Variants in TENM4 observed in about 807,000 individuals in gnomAD.
TENM4 encodes the protein teneurin-4.
TENM4 carries 82 observed loss-of-function variants against 243.3 expected under a neutral mutation model. The ratio of observed to expected loss-of-function variants is 0.34; its 90% CI spans 0.28 to 0.40. TENM4 has a LOEUF of 0.40. Among genes scored for constraint, TENM4 ranks in the 10% least tolerant of loss-of-function variants. The probability of loss-of-function intolerance (pLI) is 1.00; values close to 1 mark genes in which losing one functional copy is unlikely to be tolerated. For missense variants in TENM4, 3,138 were observed against 3,673.3 expected, an observed-to-expected ratio of 0.85 and a Z score of 3.77; for synonymous variants, 1,412 against 1,456.3, an observed-to-expected ratio of 0.97 and a Z score of 0.69.
At chr11:79,220,495 G>A (rs1032267868) in intron 2 of TENM4, among the ~76,000 whole-genome samples, 2 of 152,076 alleles carry the variant, frequency 1.3e-5, no homozygotes, top group African/African-American at 4.8e-5. Flanking sequence ...ATGGACTAGA[G>A]AGAATAAGTA....
At chr11:79,308,907 T>C (rs925568797) in intron 1 of TENM4, among the ~76,000 whole-genome samples, 1 of 152,212 alleles carries the variant, frequency 6.6e-6, no homozygotes, top group Non-Finnish European at 1.5e-5. Flanking sequence ...GAAAGGGCCT[T>C]GTTACCTGGA....
Position 79,061,320 on chromosome 11 carries a change from G to A in TENM4, c.493+3418C>T, listed in dbSNP as rs59533736. ...CCTTTGGGCACCTATGGGGAGTCTA[G>A]GTTTAGGGAGTCCAGTCTTGGAAGG... On this transcript the variant is annotated intron_variant, in intron 6 of 33. Coordinates refer to ENST00000278550, the MANE Select transcript of TENM4 (RefSeq NM_001098816.3). 8.1e-3 allele frequency among the ~76,000 whole-genome samples: 1,237 copies of A among 152,322 alleles called. 26 individuals are homozygous for A. Among genetic ancestry groups the A allele is most frequent in the African/African-American group, 0.028 (1,175 of 41,558 alleles).
intron 1 of TENM4, among the ~76,000 whole-genome samples, chr11:79,355,532 C>CCAAA (rs948173119): frequency 2.6e-4 from 26 of 101,100 alleles, no homozygotes; most frequent in African/African-American, 8.6e-4. Context: ...GACTCCATCT[C>CCAAA]CAAACAAACA....
intron 4 of TENM4, among the ~76,000 whole-genome samples, chr11:79,082,594 T>C (rs1591268386): frequency 1.3e-5 from 2 of 152,200 alleles, no homozygotes; most frequent in South Asian, 2.1e-4. Context: ...CACCCATGTG[T>C]GCACACACAC....
chr11:78,899,560 G>GGT (rs1491278857), intron 7 of TENM4, among the ~76,000 whole-genome samples: 5 of 80,808 alleles, frequency 6.2e-5, no homozygotes, highest in East Asian at 6.6e-4. Flanking sequence ...CTCAAAAAGC[G>GGT]GGGGGGGGGG....
At chr11:79,355,192 C>T (rs1002840120) in intron 1 of TENM4, among the ~76,000 whole-genome samples, 1 of 152,212 alleles carries the variant, frequency 6.6e-6, no homozygotes, top group Non-Finnish European at 1.5e-5. Flanking sequence ...CCTTCATTTG[C>T]ATGAACAGAC....
chr11:78,984,062 C>T (rs556233163), intron 6 of TENM4, among the ~76,000 whole-genome samples: 9 of 152,254 alleles, frequency 5.9e-5, no homozygotes, highest in Non-Finnish European at 1.2e-4. Flanking sequence ...CGGACTCTGG[C>T]TTTCTCTGGG....
At chr11:79,163,985 T>C (rs1862826726) in intron 3 of TENM4, among the ~76,000 whole-genome samples, 1 of 125,002 alleles carries the variant, frequency 8.0e-6, no homozygotes, top group South Asian at 2.4e-4. Context: ...AGTGTATATA[T>C]AGTGTATATA....
chr11:78,943,344 A>G (rs1303288371), intron 6 of TENM4, among the ~76,000 whole-genome samples: 1 of 152,114 alleles, frequency 6.6e-6, no homozygotes, highest in Admixed American at 6.5e-5. Flanking sequence ...GAGACAGAAG[A>G]AAAAAAGGAC....
intron 1 of TENM4, among the ~76,000 whole-genome samples, chr11:79,409,719 T>C (rs528336584): frequency 6.6e-6 from 1 of 152,262 alleles, no homozygotes; most frequent in Admixed American, 6.5e-5. Context: ...ACTCCATAAA[T>C]GCTTCCTAAC....
chr11:78,793,475 G>T (rs1394418418), intron 15 of TENM4, among the ~76,000 whole-genome samples: 3 of 152,152 alleles, frequency 2.0e-5, no homozygotes, highest in Non-Finnish European at 4.4e-5. Flanking sequence ...TTCCAAGAGT[G>T]ACCTTAAGAA....
chr11:79,370,685 A>G (rs539151586), intron 1 of TENM4, among the ~76,000 whole-genome samples: 1 of 151,394 alleles, frequency 6.6e-6, no homozygotes, highest in South Asian at 2.1e-4. Context: ...AACAACATAG[A>G]AGAATATCTT....
chr11:78,907,298 G>A (rs1005788938), intron 6 of TENM4, among the ~76,000 whole-genome samples: 1 of 150,498 alleles, frequency 6.6e-6, no homozygotes, highest in Non-Finnish European at 1.5e-5. Flanking sequence ...GAGGTGAGAG[G>A]CTACAGAGGA....
At chr11:79,328,894 C>T (rs1857017627) in intron 1 of TENM4, among the ~76,000 whole-genome samples, 2 of 152,102 alleles carry the variant, frequency 1.3e-5, no homozygotes, top group South Asian at 4.2e-4. Flanking sequence ...ACCCAGCATT[C>T]CAGAGCTGAT....
intron 1 of TENM4, among the ~76,000 whole-genome samples, chr11:79,430,200 A>AG (rs1859137713): frequency 1.6e-5 from 2 of 128,064 alleles, no homozygotes; most frequent in African/African-American, 6.3e-5. Context: ...AAAAAAAAAA[A>AG]AGAAAAAAGA....
intron 4 of TENM4, among the ~76,000 whole-genome samples, chr11:79,100,345 G>T (rs116582162): frequency 2.0e-5 from 3 of 151,814 alleles, no homozygotes; most frequent in African/African-American, 7.3e-5. Context: ...AGCCTCTTCC[G>T]TGCCCAGTGG....
At chr11:78,728,448 C>A (rs1855574176) in intron 22 of TENM4, among the ~76,000 whole-genome samples, 1 of 151,894 alleles carries the variant, frequency 6.6e-6, no homozygotes, top group Non-Finnish European at 1.5e-5. Flanking sequence ...TTCCTTCCCA[C>A]CTCTCTCCTC....
chr11:78,914,074 A>G (rs1856259721), intron 6 of TENM4, among the ~76,000 whole-genome samples: 1 of 152,214 alleles, frequency 6.6e-6, no homozygotes, highest in African/African-American at 2.4e-5. Flanking sequence ...CTAGGAAATA[A>G]AACACCCAAT....
Position 79,162,533 on chromosome 11 carries a change from TTG to T in TENM4, c.-162-13729_-162-13728del, listed in dbSNP as rs560054866. 7.5e-3 allele frequency among the ~76,000 whole-genome samples: 1,145 copies of T among 152,294 alleles called. 8 individuals carry two copies. The highest frequency in any genetic ancestry group is 0.031 in the Middle Eastern group (9 of 294). ...TGACTCCTCTATGTCTTAATTAATT[TTG>T]ATTTTAGGCCAGGAAGATAAGTATT... On this transcript the variant is annotated intron_variant, in intron 3 of 33. Coordinates refer to ENST00000278550, the MANE Select transcript of TENM4 (RefSeq NM_001098816.3).
Sources: allele counts gnomAD v4.1 joint callset (sites outside exome capture counted in the v4.1 genomes callset), GRCh38; gene constraint gnomAD v4.1.1; transcripts MANE v1.5; gene names NCBI Gene and HGNC (gene_info 2026-07-23, HGNC 2026-07-21).